NSMCE2: variants seen among roughly 807,000 people sequenced by gnomAD.
NSMCE2 encodes NSE2 SUMO ligase component of SMC5/6 complex.
Under a neutral mutation model 23.8 loss-of-function variants are expected in NSMCE2, and 24 were observed. The ratio of observed to expected loss-of-function variants is 1.01; its 90% CI spans 0.73 to 1.42. The LOEUF (loss-of-function observed/expected upper bound fraction) is 1.42, where lower values mean the gene tolerates loss of function less well. Among genes scored for constraint, NSMCE2 ranks in the 40% most tolerant of loss-of-function variants. The pLI is 0.00. For missense variants in NSMCE2, 284 were observed against 296.5 expected, an observed-to-expected ratio of 0.96 and a Z score of 0.31; for synonymous variants, 92 against 94.1, an observed-to-expected ratio of 0.98 and a Z score of 0.13.
At chr8:125,217,916 A>T (rs1297405552) in intron 5 of NSMCE2, among the ~76,000 whole-genome samples, 1 of 151,646 alleles carries the variant, frequency 6.6e-6, no homozygotes, top group Non-Finnish European at 1.5e-5. Flanking sequence ...CCGTTGTACT[A>T]GGATAGAAAA....
chr8:125,264,872 A>G (rs936141818), intron 5 of NSMCE2, among the ~76,000 whole-genome samples: 3 of 152,196 alleles, frequency 2.0e-5, no homozygotes, highest in African/African-American at 7.2e-5. Flanking sequence ...ACATGCAAAT[A>G]TCTCATTTAA....
intron 7 of NSMCE2, among the ~76,000 whole-genome samples, chr8:125,362,428 C>T (rs1422556358): frequency 2.6e-5 from 4 of 152,222 alleles, no homozygotes; most frequent in Admixed American, 6.5e-5. Context: ...CACCCCATGT[C>T]ATGCCAACAT....
At chr8:125,278,698 CTTTT>C (rs1563759795) in intron 5 of NSMCE2, among the ~76,000 whole-genome samples, 1 of 151,964 alleles carries the variant, frequency 6.6e-6, no homozygotes, top group Middle Eastern at 3.4e-3. Flanking sequence ...TTTTTTCTTT[CTTTT>C]TGTCTTTTGG....
chr8:125,240,196 C>T (rs1441771608), intron 5 of NSMCE2, among the ~76,000 whole-genome samples: 1 of 151,102 alleles, frequency 6.6e-6, no homozygotes, highest in African/African-American at 2.4e-5. Flanking sequence ...CAGATCTTGG[C>T]TCACTTCAAC....
chr8:125,366,330 G>C (rs1018141002), intron 7 of NSMCE2, among the ~76,000 whole-genome samples: 1 of 152,202 alleles, frequency 6.6e-6, no homozygotes, highest in Non-Finnish European at 1.5e-5. Flanking sequence ...CACGAGGTCA[G>C]GAGATCGAGA....
chr8:125,180,007 A>C (rs555038154), intron 4 of NSMCE2, among the ~76,000 whole-genome samples: 4 of 152,304 alleles, frequency 2.6e-5, no homozygotes, highest in African/African-American at 9.6e-5. Flanking sequence ...TCTTAGGTGG[A>C]TGTGAGTCCA....
At chr8:125,138,575 G>T (rs1438189828) in intron 3 of NSMCE2, among the ~76,000 whole-genome samples, 3 of 152,088 alleles carry the variant, frequency 2.0e-5, no homozygotes, top group African/African-American at 7.2e-5. Context: ...TGATCAGGTA[G>T]TACAAATGTA....
chr8:125,334,288 G>A (rs756196827), intron 5 of NSMCE2, among the ~76,000 whole-genome samples: 2 of 152,262 alleles, frequency 1.3e-5, no homozygotes, highest in South Asian at 2.1e-4. Context: ...AAATGCATGC[G>A]TTAAGTACTA....
At chr8:125,283,554 C>T (rs564217711) in intron 5 of NSMCE2, among the ~76,000 whole-genome samples, 1 of 152,304 alleles carries the variant, frequency 6.6e-6, no homozygotes, top group Admixed American at 6.5e-5. Flanking sequence ...TTGGTTTGGG[C>T]ACCCATTTTG....
chr8:125,165,995 A>G (rs1321526299), intron 4 of NSMCE2, among the ~76,000 whole-genome samples: 1 of 152,182 alleles, frequency 6.6e-6, no homozygotes, highest in African/African-American at 2.4e-5. Flanking sequence ...CTGATGGAGT[A>G]TTAATAATTT....
intron 7 of NSMCE2, among the ~76,000 whole-genome samples, chr8:125,363,933 C>CT (rs970551291): frequency 4.6e-5 from 7 of 151,026 alleles, no homozygotes; most frequent in African/African-American, 9.7e-5. Context: ...ATGTAGGGCA[C>CT]TTTTTTTTTG....
chr8:125,335,043 G>T (rs951093010), intron 5 of NSMCE2, among the ~76,000 whole-genome samples: 1 of 151,920 alleles, frequency 6.6e-6, no homozygotes, highest in African/African-American at 2.4e-5. Context: ...GGCGTGAGCC[G>T]CAGTACCTGA....
chr8:125,145,196 C>T (rs1820606640), intron 3 of NSMCE2, among the ~76,000 whole-genome samples: 1 of 152,154 alleles, frequency 6.6e-6, no homozygotes, highest in Non-Finnish European at 1.5e-5. Flanking sequence ...AATTCAGTAG[C>T]CCTTCCTGGT....
chr8:125,272,630 T>TCTTGGGAGCTAGGCCAGGG (rs199926006), intron 5 of NSMCE2, among the ~76,000 whole-genome samples: 2 of 148,284 alleles, frequency 1.3e-5, no homozygotes, highest in Non-Finnish European at 3.0e-5. Flanking sequence ...ACCTTAACAC[T>TCTTGGGAGCTAGGCCAGGG]TTATACTGCC....
At chr8:125,278,596 A>G (rs567378417) in intron 5 of NSMCE2, among the ~76,000 whole-genome samples, 6 of 152,310 alleles carry the variant, frequency 3.9e-5, no homozygotes, top group Admixed American at 2.6e-4. Context: ...CATGTTGATG[A>G]TATGGTAGAG....
intron 5 of NSMCE2, among the ~76,000 whole-genome samples, chr8:125,320,207 AGAAG>A (rs1586763167): frequency 1.9e-5 from 2 of 108,102 alleles, no homozygotes; most frequent in African/African-American, 8.9e-5. Context: ...AGAAAGAAAG[AGAAG>A]GAAGGAAGGA....
At position 125,328,085 on chromosome 8, in the gene NSMCE2, G is replaced by A. The variant is rs1374485147; in HGVS notation, c.419-29134G>A. On this transcript the variant is annotated intron_variant, in intron 5 of 7. Coordinates refer to ENST00000287437, the MANE Select transcript of NSMCE2 (RefSeq NM_173685.4). ...GACTAACATTTGAGGAAATAGTACTGGCCATTTTTCCAGGTTGTATAGTCA... is the reference window on the plus strand; with the variant it reads ...GACTAACATTTGAGGAAATAGTACTAGCCATTTTTCCAGGTTGTATAGTCA... Among the ~76,000 whole-genome samples the A allele has an allele frequency of 6.6e-5, 10 of 151,314 alleles. No homozygotes were observed. The East Asian group carries it at 1.7e-3, about 26-fold the overall frequency.
At chr8:125,164,048 T>G (rs1220926361) in intron 4 of NSMCE2, among the ~76,000 whole-genome samples, 2 of 152,216 alleles carry the variant, frequency 1.3e-5, no homozygotes, top group African/African-American at 4.8e-5. Flanking sequence ...CTTCCCCACT[T>G]ATTTAATATT....
chr8:125,174,972 A>G (rs1431285353), intron 4 of NSMCE2, among the ~76,000 whole-genome samples: 1 of 152,242 alleles, frequency 6.6e-6, no homozygotes, highest in African/African-American at 2.4e-5. Flanking sequence ...CATGCTGGTC[A>G]TCATTAGTAT....
Sources: allele counts gnomAD v4.1 joint callset (sites outside exome capture counted in the v4.1 genomes callset), GRCh38; gene constraint gnomAD v4.1.1; transcripts MANE v1.5; gene names NCBI Gene and HGNC (gene_info 2026-07-23, HGNC 2026-07-21).